Variants in GABRG3 observed in about 807,000 individuals in gnomAD.
GABRG3 encodes gamma-aminobutyric acid receptor subunit gamma-3.
A neutral mutation model predicts 48.8 loss-of-function variants in GABRG3; 25 were observed. The observed-to-expected ratio is 0.51, with a 90% CI of 0.37 to 0.72. GABRG3 has a LOEUF of 0.72. Among genes scored for constraint, GABRG3 ranks in the 30% least tolerant of loss-of-function variants. The pLI, the probability that GABRG3 is intolerant of heterozygous loss-of-function variation, is 0.00. For synonymous variants in GABRG3, 227 were observed against 217.6 expected (o/e 1.04, Z -0.38); for missense variants, 394 against 577.9 (o/e 0.68, Z 3.26).
At chr15:27,198,279 C>T (rs1888563375) in intron 3 of GABRG3, among the ~76,000 whole-genome samples, 1 of 151,990 alleles carries the variant, frequency 6.6e-6, no homozygotes, top group Non-Finnish European at 1.5e-5. Context: ...CCAGAATCTA[C>T]AAGGAACTTA....
chr15:27,244,955 A>G (rs1008713002), intron 3 of GABRG3, among the ~76,000 whole-genome samples: 11 of 152,180 alleles, frequency 7.2e-5, no homozygotes, highest in Admixed American at 4.6e-4. Context: ...GTTTTTAAAA[A>G]TTTCCACGGG....
At chr15:27,487,920 A>G (rs1416711917) in intron 6 of GABRG3, among the ~76,000 whole-genome samples, 1 of 152,190 alleles carries the variant, frequency 6.6e-6, no homozygotes, top group Non-Finnish European at 1.5e-5. Flanking sequence ...TAGTTAGGCC[A>G]CTATCCCATG....
chr15:27,263,146 T>A (rs1890815636), intron 3 of GABRG3, among the ~76,000 whole-genome samples: 1 of 152,222 alleles, frequency 6.6e-6, no homozygotes, highest in South Asian at 2.1e-4. Context: ...AAGGTGACAG[T>A]GACCGTAAAC....
chr15:27,323,330 A>T (rs2140516184), intron 3 of GABRG3, among the ~76,000 whole-genome samples: 1 of 152,330 alleles, frequency 6.6e-6, no homozygotes, highest in East Asian at 1.9e-4. Flanking sequence ...CAAAATTCAG[A>T]TGGGGCTTTT....
At chr15:27,234,550 C>G (rs1437239129) in intron 3 of GABRG3, among the ~76,000 whole-genome samples, 2 of 152,190 alleles carry the variant, frequency 1.3e-5, no homozygotes, top group Non-Finnish European at 2.9e-5. Flanking sequence ...TTCTCCTCTT[C>G]TTTATCACAC....
intron 5 of GABRG3, among the ~76,000 whole-genome samples, chr15:27,375,867 A>C (rs1895577989): frequency 6.6e-6 from 1 of 152,178 alleles, no homozygotes; most frequent in African/African-American, 2.4e-5. Flanking sequence ...TCACATTTCA[A>C]AATCAATCAT....
chr15:27,318,842 T>C (rs949862762), intron 3 of GABRG3, among the ~76,000 whole-genome samples: 4 of 152,074 alleles, frequency 2.6e-5, no homozygotes, highest in African/African-American at 9.7e-5. Context: ...AGTGCAGTCA[T>C]TGGAAACCAT....
At chr15:27,513,999 C>T (rs1469519304) in intron 6 of GABRG3, among the ~76,000 whole-genome samples, 1 of 152,148 alleles carries the variant, frequency 6.6e-6, no homozygotes, top group Non-Finnish European at 1.5e-5. Context: ...AAAACTTTTT[C>T]TTAACTGCTG....
At chr15:27,369,488 T>C (rs1300813230) in intron 5 of GABRG3, among the ~76,000 whole-genome samples, 1 of 152,190 alleles carries the variant, frequency 6.6e-6, no homozygotes, top group Non-Finnish European at 1.5e-5. Flanking sequence ...ATTCTAGGAA[T>C]ATCTTTGGTG....
chr15:27,415,430 T>G (rs1887912717), intron 5 of GABRG3, among the ~76,000 whole-genome samples: 1 of 152,184 alleles, frequency 6.6e-6, no homozygotes, highest in Admixed American at 6.5e-5. Context: ...GCCCATCTGT[T>G]CTTGCGTGTT....
rs79294316 is a variant in GABRG3, at chr15:27,467,823, C to T, written c.575-12827C>T. Among the ~76,000 whole-genome samples, 977 of 152,316 alleles carry T rather than the reference C, an allele frequency of 6.4e-3. 12 individuals are homozygous for T. Among genetic ancestry groups the T allele is most frequent in the African/African-American group, 0.022 (931 of 41,568 alleles). On this transcript the variant is annotated intron_variant, in intron 5 of 9. Coordinates refer to ENST00000615808, the MANE Select transcript of GABRG3 (RefSeq NM_033223.5). ...AAATGTAGTCGTCTCCCCTAATCCA[C>T]GTTTTGCTTTCTGCAGTTTCACTTA...
At chr15:27,021,840 C>T (rs1033612765) in intron 2 of GABRG3, among the ~76,000 whole-genome samples, 6 of 152,040 alleles carry the variant, frequency 3.9e-5, no homozygotes, top group African/African-American at 1.4e-4. Context: ...AAGACCCTGC[C>T]TCAAAATAAA....
chr15:27,527,935 A>G lies in GABRG3; in HGVS notation c.1065A>G (p.Leu355=), dbSNP rs939698492. Residue 355 remains leucine (L), a splice_region_variant and synonymous_variant, in exon 9 of 10, where the codon TTA becomes TTG. Coordinates refer to ENST00000615808, the MANE Select transcript of GABRG3 (RefSeq NM_033223.5). ...TATTTTTTCTTCTTTTCTTGTAGTT[A>G]CTACATCCAGATTCCTCAAGATGGA... The part of the protein sequence containing the change: ...KPTTTKKTTS[L]LHPDSSRWIP... 21 of 1,580,526 alleles carry G rather than the reference A, an allele frequency of 1.3e-5. No individual in the cohort carries two copies. The highest frequency in any genetic ancestry group is 1.7e-5 in the Non-Finnish European group (20 of 1,160,430).
chr15:27,527,703 G>A, intron 8 of GABRG3, 74 bp downstream of exon 8: 1 of 1,345,022 alleles, frequency 7.4e-7, no homozygotes. Context: ...CTTAAATGCA[G>A]TTGTATTCCT....
chr15:27,348,259 A>C (rs1195733920), intron 5 of GABRG3, among the ~76,000 whole-genome samples: 1 of 152,118 alleles, frequency 6.6e-6, no homozygotes, highest in African/African-American at 2.4e-5. Context: ...CATTATTGGA[A>C]GCAGTAAGAA....
chr15:27,055,876 A>G (rs1039589237), intron 3 of GABRG3, among the ~76,000 whole-genome samples: 18 of 152,206 alleles, frequency 1.2e-4, no homozygotes, highest in African/African-American at 4.3e-4. Context: ...CTAGGGAAAT[A>G]TATGGTTTTT....
intron 5 of GABRG3, among the ~76,000 whole-genome samples, chr15:27,460,944 G>T (rs1407715409): frequency 1.3e-5 from 2 of 152,150 alleles, no homozygotes; most frequent in Admixed American, 1.3e-4. Context: ...AGGGACTCAA[G>T]ATTTTTATTT....
At chr15:27,307,391 C>A (rs138078843) in intron 3 of GABRG3, among the ~76,000 whole-genome samples, 8,746 of 11,648 alleles carry the variant, frequency 0.75, 3,172 homozygotes, top group Middle Eastern at 0.79. Flanking sequence ...TTATATATAA[C>A]CATATAGGTT....
At chr15:27,060,926 G>A (rs1358086630) in intron 3 of GABRG3, among the ~76,000 whole-genome samples, 2 of 152,048 alleles carry the variant, frequency 1.3e-5, no homozygotes, top group Non-Finnish European at 2.9e-5. Flanking sequence ...GGTCTCTGAG[G>A]TTTTTTTGGA....
Sources: gnomAD v4.1 joint callset for allele counts (sites outside exome capture counted in the v4.1 genomes callset) on GRCh38, gnomAD v4.1.1 for gene constraint, MANE v1.5 for transcripts, NCBI Gene and HGNC (gene_info 2026-07-23, HGNC 2026-07-21) for gene names.